Variants in ZNF589 observed in about 807,000 individuals in gnomAD.
The protein encoded by ZNF589 is zinc finger protein 589, also known as KRAB-zinc finger protein SZF1-1.
Under a neutral mutation model 13.6 loss-of-function variants are expected in ZNF589, and 17 were observed. That is an observed-to-expected ratio of 1.25 (90% confidence interval 0.86 to 1.88). The LOEUF is 1.88. Ranked by LOEUF, ZNF589 falls within the 40% of genes most tolerant of loss-of-function variation. The probability of loss-of-function intolerance (pLI) is 0.00; values close to 1 mark genes in which losing one functional copy is unlikely to be tolerated. For missense variants in ZNF589, 407 were observed against 434.0 expected, an observed-to-expected ratio of 0.94 and a Z score of 0.55; for synonymous variants, 148 against 161.6, an observed-to-expected ratio of 0.92 and a Z score of 0.64.
rs1295175611 is a variant in ZNF589, at chr3:48,256,425, C to T, written c.97-4388C>T. On this transcript the variant is annotated intron_variant, in intron 2 of 3. Coordinates refer to ENST00000354698, the MANE Select transcript of ZNF589 (RefSeq NM_016089.3). The stretch of plus-strand genomic sequence containing the variant: ...GGGTTGACCCCAAGGCCATGAACGC[C>T]CTGTTCCAGGGGAGGCCTTTTTTTG... 5 of 559,734 alleles carry T rather than the reference C, an allele frequency of 8.9e-6. 1 individual carries two copies. The highest frequency in any genetic ancestry group is 1.7e-5 in the Non-Finnish European group (5 of 293,774). The allele number at this position is 559,734 out of a possible 1,614,324, so 34.7% of individuals were successfully genotyped here.
rs2033908866 is a variant in ZNF589 at position 48,256,842 on chromosome 3, G to A, written c.97-3971G>A. Reference sequence around the variant, plus strand: ...ATTTCCACCACTTCCCTGAAACCACGAGCTGGAAGCTGAGACCAGCTGGTC... The same window carrying A: ...ATTTCCACCACTTCCCTGAAACCACAAGCTGGAAGCTGAGACCAGCTGGTC... On this transcript the variant is annotated intron_variant, in intron 2 of 3. Coordinates refer to ENST00000354698, the MANE Select transcript of ZNF589 (RefSeq NM_016089.3). 13 of 1,336,870 alleles carry A rather than the reference G, an allele frequency of 9.7e-6. No homozygotes were observed. In the East Asian group the frequency reaches 3.1e-4, roughly 31 times the overall value. 82.8% of individuals were successfully genotyped at this position (1,336,870 alleles called of 1,614,324 possible).
At chr3:48,267,891 T>G (rs1469778610) in intron 3 of ZNF589, 24 bp from the exon 4 acceptor site, 5 of 1,583,994 alleles carry the variant, frequency 3.2e-6, no homozygotes, top group Non-Finnish European at 4.3e-6. Context: ...ATGACTCTTC[T>G]GACTGGAAAC....
In ZNF589 at chr3:48,268,755, C is replaced by A. The variant is rs376706270; in HGVS notation, c.1064C>A (p.Thr355Lys). 4 of 1,613,770 alleles carry A rather than the reference C, an allele frequency of 2.5e-6. No homozygotes were observed. Among genetic ancestry groups the A allele is most frequent in the Non-Finnish European group, 2.5e-6 (3 of 1,179,826 alleles). Residue 355 changes from threonine to lysine, a missense_variant, in exon 4 of 4, where the codon ACG becomes AAG. Transcript: ENST00000354698. The part of the protein sequence containing the change: ...SELIKHQRIH[T>K]GDKPYVCRD ...CTCATTAAGCACCAGAGAATTCACA[C>A]GGGGGATAAGCCTTATGTGTGCAGA...
chr3:48,241,347 C>T, intron 1 of ZNF589, 133 bp downstream of exon 1: 1 of 1,148,100 alleles, frequency 8.7e-7, no homozygotes, highest in Non-Finnish European at 1.2e-6. Flanking sequence ...CCTACAGCGG[C>T]TCTTACTCCC....
rs565650030 is a variant in ZNF589, at chr3:48,261,164, TA to T, written c.223+234del. On this transcript the variant is annotated intron_variant, in intron 3 of 3. Transcript: ENST00000354698. The stretch of plus-strand genomic sequence containing the variant: ...CAAAGGATAATAAGTGCTACATAGC[TA>T]AAAAAAAATGTATAAGATATATATA... Among the ~76,000 whole-genome samples the T allele has an allele frequency of 1.7e-3, 262 of 151,158 alleles. 1 individual carries two copies. Among genetic ancestry groups the T allele is most frequent in the African/African-American group, 5.0e-3 (206 of 41,288 alleles).
rs189808461 is a variant in ZNF589 at position 48,245,170 on chromosome 3, T to G, written c.44-2455T>G. Reference sequence around the variant, plus strand: ...CTCTGTCACTGAGGCTGGAGTATAATGGTGTGATCTCTCACTTCATTGCAA... The same window carrying G: ...CTCTGTCACTGAGGCTGGAGTATAAGGGTGTGATCTCTCACTTCATTGCAA... On this transcript the variant is annotated intron_variant, in intron 1 of 3. Coordinates refer to ENST00000354698, the MANE Select transcript of ZNF589 (RefSeq NM_016089.3). 3.9e-4 allele frequency among the ~76,000 whole-genome samples: 59 copies of G among 152,116 alleles called. 2 individuals carry two copies. Among genetic ancestry groups the G allele is most frequent in the Admixed American group, 3.8e-3 (58 of 15,254 alleles).
chr3:48,247,845 CT>C (rs2106832918), intron 2 of ZNF589, among the ~76,000 whole-genome samples, 168 bp downstream of exon 2: 1 of 152,238 alleles, frequency 6.6e-6, no homozygotes, highest in African/African-American at 2.4e-5. Context: ...CTTAGTCTTT[CT>C]ATTTTTTGAG....
At chr3:48,247,709 A>G (rs1191776129) in intron 2 of ZNF589, 32 bp downstream of exon 2, 1 of 1,609,056 alleles carries the variant, frequency 6.2e-7, no homozygotes, top group South Asian at 1.1e-5. Flanking sequence ...CTTTTCTGAA[A>G]TGCTGGCTCA....
At chr3:48,245,696 C>G (rs1387859889) in intron 1 of ZNF589, among the ~76,000 whole-genome samples, 1 of 152,156 alleles carries the variant, frequency 6.6e-6, no homozygotes, top group Non-Finnish European at 1.5e-5. Context: ...GCCTGTAATC[C>G]CAGCATTTGG....
chr3:48,241,279 T>C (rs531188398), intron 1 of ZNF589, 65 bp downstream of exon 1: 2 of 1,585,690 alleles, frequency 1.3e-6, no homozygotes, highest in African/African-American at 2.7e-5. Flanking sequence ...CGCGCAGGCG[T>C]CGGCCGTATC....
At chr3:48,260,296 C>A (rs1033223276) in intron 2 of ZNF589, among the ~76,000 whole-genome samples, 4 of 152,198 alleles carry the variant, frequency 2.6e-5, no homozygotes, top group African/African-American at 9.6e-5. Flanking sequence ...CACCACCATA[C>A]TTGGCTAATT....
intron 2 of ZNF589, among the ~76,000 whole-genome samples, chr3:48,259,760 A>G (rs570328545): frequency 1.3e-5 from 2 of 152,066 alleles, no homozygotes; most frequent in Non-Finnish European, 2.9e-5. Flanking sequence ...AAAACAAAAT[A>G]CAAAAAAAAT....
At chr3:48,262,825 T>C (rs1359641500) in intron 3 of ZNF589, among the ~76,000 whole-genome samples, 2 of 152,204 alleles carry the variant, frequency 1.3e-5, no homozygotes, top group Non-Finnish European at 2.9e-5. Context: ...GAAAATAGTT[T>C]TGAGCTTTAC....
chr3:48,269,007 C>A lies in ZNF589; in HGVS notation c.*221C>A. The A allele has an allele frequency of 1.4e-6, 1 of 733,730 alleles. No homozygotes were observed. Among genetic ancestry groups the A allele is most frequent in the Non-Finnish European group, 2.3e-6 (1 of 440,448 alleles). 45.5% of individuals were successfully genotyped at this position (733,730 alleles called of 1,614,324 possible). A position where few individuals can be genotyped will look rare whatever the true frequency, so the allele number is the denominator to read the frequency against. ...CTCAAATCACATCGGAGAACACACT[C>A]AGGGGAGAAGCCTTATGTGTGTGGG... On this transcript the variant is annotated 3_prime_UTR_variant, in exon 4 of 4. Transcript: ENST00000354698.
chr3:48,252,308 C>T (rs2033846971), intron 2 of ZNF589, among the ~76,000 whole-genome samples: 1 of 151,968 alleles, frequency 6.6e-6, no homozygotes, highest in Non-Finnish European at 1.5e-5. Context: ...TCTCCTGCCT[C>T]AGCCTCCCTA....
intron 2 of ZNF589, among the ~76,000 whole-genome samples, chr3:48,255,104 G>T (rs374508163): frequency 3.0e-4 from 46 of 151,554 alleles, no homozygotes; most frequent in African/African-American, 1.1e-3. Flanking sequence ...GATATTTGTT[G>T]TAGGTTTTTT....
chr3:48,246,954 C>A (rs995399925), intron 1 of ZNF589, among the ~76,000 whole-genome samples: 1 of 152,000 alleles, frequency 6.6e-6, no homozygotes, highest in South Asian at 2.1e-4. Context: ...AGGCGTGAGC[C>A]ACCGCGCCTG....
rs2033690588 is a variant in ZNF589, at chr3:48,241,157, T to G, written c.-15T>G. 2 of 1,600,976 alleles carry G rather than the reference T, an allele frequency of 1.2e-6. No homozygotes were observed. The highest frequency in any genetic ancestry group is 1.7e-6 in the Non-Finnish European group (2 of 1,173,654). Reference sequence around the variant, plus strand: ...GCTGCTACCTCGTTTGCTTCGTGCGTGCGTGCGCGCGCAGATGTGGGCCCC... The same window carrying G: ...GCTGCTACCTCGTTTGCTTCGTGCGGGCGTGCGCGCGCAGATGTGGGCCCC... On this transcript the variant is annotated 5_prime_UTR_variant, in exon 1 of 4. Transcript: ENST00000354698.
At chr3:48,245,276 G>A (rs1186129590) in intron 1 of ZNF589, among the ~76,000 whole-genome samples, 5 of 151,962 alleles carry the variant, frequency 3.3e-5, no homozygotes, top group East Asian at 1.9e-4. Context: ...CACCACGCCC[G>A]GCTAATTTTT....
Sources: allele counts gnomAD v4.1 joint callset (sites outside exome capture counted in the v4.1 genomes callset), GRCh38; gene constraint gnomAD v4.1.1; transcripts MANE v1.5; gene names NCBI Gene and HGNC (gene_info 2026-07-23, HGNC 2026-07-21).